The following TTC29 variants were observed in gnomAD, a reference collection of about 807,000 sequenced individuals.
TTC29 encodes the protein tetratricopeptide repeat domain 29.
A neutral mutation model predicts 58.1 loss-of-function variants in TTC29; 49 were observed. That is an observed-to-expected ratio of 0.84 (90% confidence interval 0.67 to 1.07). The LOEUF is 1.07. Ranked by LOEUF, TTC29 falls within the 50% of genes least tolerant of loss-of-function variation. TTC29 has a pLI of 0.00. For synonymous variants in TTC29, 209 were observed against 196.8 expected (o/e 1.06, Z -0.52); for missense variants, 582 against 555.6 (o/e 1.05, Z -0.48).
At chr4:146,777,360 C>T (rs1457478137) in intron 11 of TTC29, among the ~76,000 whole-genome samples, 1 of 152,020 alleles carries the variant, frequency 6.6e-6, no homozygotes, top group Non-Finnish European at 1.5e-5. Context: ...GGACTAGACC[C>T]CAACTGGTTT....
chr4:146,824,431 T>C (rs7698197), intron 9 of TTC29, among the ~76,000 whole-genome samples: 57,340 of 152,006 alleles, frequency 0.38, 11,696 homozygotes, highest in African/African-American at 0.51. Context: ...TTGAGCCAGC[T>C]TTGCATCCCA....
At chr4:146,751,988 G>A (rs992414512) in intron 11 of TTC29, among the ~76,000 whole-genome samples, 7 of 151,816 alleles carry the variant, frequency 4.6e-5, no homozygotes, top group Non-Finnish European at 7.4e-5. Flanking sequence ...TGGAAGTCAA[G>A]AAATTATAAA....
At chr4:146,825,195 G>C (rs1727697069) in intron 9 of TTC29, among the ~76,000 whole-genome samples, 1 of 152,078 alleles carries the variant, frequency 6.6e-6, no homozygotes, top group Non-Finnish European at 1.5e-5. Flanking sequence ...TGTGAGGTTA[G>C]CATGTTTATT....
chr4:146,848,003 T>A (rs1430910944), intron 8 of TTC29, among the ~76,000 whole-genome samples: 1 of 152,010 alleles, frequency 6.6e-6, no homozygotes. Flanking sequence ...CCCCTATGCA[T>A]TTTTTTTAAA....
chr4:146,896,434 A>G (rs1200049129), intron 6 of TTC29, among the ~76,000 whole-genome samples: 3 of 152,158 alleles, frequency 2.0e-5, no homozygotes, highest in African/African-American at 7.2e-5. Flanking sequence ...AATGCAGGTG[A>G]TCTGTGTTTT....
At chr4:146,840,192 G>A (rs1269425113) in intron 8 of TTC29, among the ~76,000 whole-genome samples, 1 of 131,672 alleles carries the variant, frequency 7.6e-6, no homozygotes, top group African/African-American at 2.8e-5. Flanking sequence ...TTGGTCTACT[G>A]TACCTTTGTG....
chr4:146,780,840 C>G (rs978339164), intron 11 of TTC29, among the ~76,000 whole-genome samples: 7 of 151,832 alleles, frequency 4.6e-5, no homozygotes, highest in African/African-American at 1.5e-4. Flanking sequence ...TATTACAATC[C>G]ACATCTCTGT....
intron 7 of TTC29, among the ~76,000 whole-genome samples, chr4:146,871,872 C>G (rs1250884689): frequency 1.3e-5 from 2 of 151,958 alleles, no homozygotes; most frequent in East Asian, 3.8e-4. Flanking sequence ...AAAATTCCAG[C>G]TCCCCTTTCT....
At chr4:146,861,224 G>C (rs1473071778) in intron 8 of TTC29, among the ~76,000 whole-genome samples, 1 of 152,046 alleles carries the variant, frequency 6.6e-6, no homozygotes, top group African/African-American at 2.4e-5. Flanking sequence ...GTATGTGGCT[G>C]GTCCAATTTT....
chr4:146,831,803 T>C (rs1449648547), intron 9 of TTC29: 3 of 416,240 alleles, frequency 7.2e-6, no homozygotes, highest in Non-Finnish European at 1.5e-5. Context: ...CTCTGGAAGT[T>C]TCAAAAATAA....
chr4:146,747,072 G>A (rs576962168), intron 11 of TTC29, among the ~76,000 whole-genome samples: 1 of 152,208 alleles, frequency 6.6e-6, no homozygotes, highest in African/African-American at 2.4e-5. Flanking sequence ...ATGGAAGAAA[G>A]GTAGGATAGA....
intron 4 of TTC29, among the ~76,000 whole-genome samples, chr4:146,934,926 T>C (rs1489153631): frequency 1.6e-4 from 25 of 152,080 alleles, no homozygotes; most frequent in Non-Finnish European, 1.5e-5. Context: ...TAGAGTCAAC[T>C]GAGGCAAAAA....
intron 6 of TTC29, among the ~76,000 whole-genome samples, chr4:146,899,831 G>A (rs560378853): frequency 1.0e-3 from 156 of 152,250 alleles, no homozygotes; most frequent in African/African-American, 3.7e-3. Flanking sequence ...GTTGGGCCCT[G>A]ACCACCTGCC....
intron 6 of TTC29, among the ~76,000 whole-genome samples, chr4:146,894,835 C>T (rs975597509): frequency 6.6e-6 from 1 of 151,960 alleles, no homozygotes; most frequent in Non-Finnish European, 1.5e-5. Flanking sequence ...CTCTGTTGTT[C>T]TTTTTTTCCC....
At chr4:146,764,618 T>G (rs541512302) in intron 11 of TTC29, among the ~76,000 whole-genome samples, 2 of 152,208 alleles carry the variant, frequency 1.3e-5, no homozygotes, top group African/African-American at 4.8e-5. Flanking sequence ...TAAGAATTTT[T>G]CCTATTTTAA....
At chr4:146,792,327 T>C (rs754207397) in intron 11 of TTC29, among the ~76,000 whole-genome samples, 18 of 152,328 alleles carry the variant, frequency 1.2e-4, no homozygotes, top group Non-Finnish European at 2.5e-4. Flanking sequence ...TTAAGAATTA[T>C]GCTAAATCTA....
chr4:146,742,062 A>C (rs1342942463), intron 11 of TTC29, among the ~76,000 whole-genome samples: 1 of 152,220 alleles, frequency 6.6e-6, no homozygotes, highest in Non-Finnish European at 1.5e-5. Context: ...TAAATGGCAC[A>C]GCTGGTAAAT....
chr4:146,757,345 G>C (rs1010788626), intron 11 of TTC29, among the ~76,000 whole-genome samples: 5 of 152,102 alleles, frequency 3.3e-5, no homozygotes, highest in Non-Finnish European at 7.4e-5. Flanking sequence ...CTGGCTCCAG[G>C]CTGGTACTGG....
At chr4:146,785,195 T>G (rs1172152182) in intron 11 of TTC29, among the ~76,000 whole-genome samples, 1 of 15,874 alleles carries the variant, frequency 6.3e-5, no homozygotes, top group Non-Finnish European at 9.3e-5. Flanking sequence ...ACTTGCTGCC[T>G]TTTTTTTTTT....
Sources: allele counts gnomAD v4.1 joint callset (sites outside exome capture counted in the v4.1 genomes callset), GRCh38; gene constraint gnomAD v4.1.1; transcripts MANE v1.5; gene names NCBI Gene and HGNC (gene_info 2026-07-23, HGNC 2026-07-21).